Variants in DENND1A observed in about 807,000 individuals in gnomAD.
DENND1A encodes the protein DENN domain-containing protein 1A.
Under a neutral mutation model 113.7 loss-of-function variants are expected in DENND1A, and 51 were observed. That is an observed-to-expected ratio of 0.45 (90% CI 0.36 to 0.57). DENND1A has a LOEUF of 0.57. Among genes scored for constraint, DENND1A ranks in the 20% least tolerant of loss-of-function variants. The probability of loss-of-function intolerance (pLI) is 0.00; values close to 1 mark genes in which losing one functional copy is unlikely to be tolerated. For missense variants in DENND1A, 1,258 were observed against 1,395.9 expected (o/e 0.90, Z 1.57); for synonymous variants, 565 against 570.8 (o/e 0.99, Z 0.14).
intron 13 of DENND1A, among the ~76,000 whole-genome samples, chr9:123,548,500 T>C (rs2056849247): frequency 1.3e-5 from 2 of 152,228 alleles, no homozygotes; most frequent in African/African-American, 2.4e-5. Flanking sequence ...GTGAAAAACA[T>C]TTTGGAGGTT....
At chr9:123,681,502 C>T (rs1589647415) in intron 5 of DENND1A, among the ~76,000 whole-genome samples, 1 of 151,980 alleles carries the variant, frequency 6.6e-6, no homozygotes, top group East Asian at 1.9e-4. Context: ...AGCAGAGGGC[C>T]ACTGGTTACA....
intron 2 of DENND1A, among the ~76,000 whole-genome samples, chr9:123,816,979 T>C (rs536742134): frequency 1.3e-5 from 2 of 152,198 alleles, no homozygotes; most frequent in Non-Finnish European, 2.9e-5. Context: ...TAGTCTCTTA[T>C]CTGCAGTCCC....
At chr9:123,823,597 G>A (rs1194637183) in intron 2 of DENND1A, among the ~76,000 whole-genome samples, 3 of 152,166 alleles carry the variant, frequency 2.0e-5, no homozygotes, top group South Asian at 2.1e-4. Context: ...AAAAGGTAGC[G>A]AAAAGATCCC....
intron 5 of DENND1A, among the ~76,000 whole-genome samples, chr9:123,723,099 T>C (rs977465891): frequency 6.6e-6 from 1 of 152,238 alleles, no homozygotes; most frequent in African/African-American, 2.4e-5. Context: ...TGCATCAGCA[T>C]GACCTGGATG....
At chr9:123,611,235 T>A (rs2060405528) in intron 10 of DENND1A, among the ~76,000 whole-genome samples, 1 of 152,244 alleles carries the variant, frequency 6.6e-6, no homozygotes. Context: ...TCTTTGCTTC[T>A]AGGGGCAAGG....
intron 13 of DENND1A, among the ~76,000 whole-genome samples, chr9:123,551,055 G>A (rs2057014978): frequency 6.6e-6 from 1 of 152,204 alleles, no homozygotes; most frequent in Non-Finnish European, 1.5e-5. Context: ...ATGGATAAAG[G>A]GGGTTTCTCT....
chr9:123,403,171 G>A (rs952654200), intron 21 of DENND1A, among the ~76,000 whole-genome samples: 1 of 152,178 alleles, frequency 6.6e-6, no homozygotes, highest in Non-Finnish European at 1.5e-5. Flanking sequence ...CCCACCCCTC[G>A]AAATCCAGCC....
chr9:123,904,850 C>A (rs1852449978), intron 1 of DENND1A, among the ~76,000 whole-genome samples: 1 of 152,042 alleles, frequency 6.6e-6, no homozygotes, highest in African/African-American at 2.4e-5. Context: ...TCAGGAAATA[C>A]AGAGAACGCC....
At chr9:123,879,598 C>T (rs1167429390) in intron 1 of DENND1A, among the ~76,000 whole-genome samples, 1 of 150,816 alleles carries the variant, frequency 6.6e-6, no homozygotes, top group East Asian at 1.9e-4. Flanking sequence ...TGATGTCTGG[C>T]ACATAATAGG....
At chr9:123,918,147 A>C (rs1432157232) in intron 1 of DENND1A, among the ~76,000 whole-genome samples, 1 of 151,306 alleles carries the variant, frequency 6.6e-6, no homozygotes, top group Non-Finnish European at 1.5e-5. Context: ...ATAAAAGAAA[A>C]GAAACTACTG....
At chr9:123,605,540 G>C (rs186798434) in intron 11 of DENND1A, among the ~76,000 whole-genome samples, 347 of 152,290 alleles carry the variant, frequency 2.3e-3, no homozygotes, top group Non-Finnish European at 4.5e-3. Flanking sequence ...AATACCCTTG[G>C]CTATTCTGCT....
At chr9:123,508,199 A>C (rs2053137951) in intron 13 of DENND1A, among the ~76,000 whole-genome samples, 1 of 152,238 alleles carries the variant, frequency 6.6e-6, no homozygotes, top group Non-Finnish European at 1.5e-5. Flanking sequence ...AAAAGTAGCA[A>C]AAGTTTTGGC....
At chr9:123,768,288 C>T (rs1829158390) in intron 4 of DENND1A, among the ~76,000 whole-genome samples, 1 of 152,174 alleles carries the variant, frequency 6.6e-6, no homozygotes, top group African/African-American at 2.4e-5. Flanking sequence ...TGGCTGGCAA[C>T]ATTCCAGAGT....
chr9:123,719,636 T>A (rs1423805808), intron 5 of DENND1A, among the ~76,000 whole-genome samples: 1 of 126,702 alleles, frequency 7.9e-6, no homozygotes, highest in Non-Finnish European at 1.8e-5. Flanking sequence ...GTTTTCAGAT[T>A]TTTTTTTTTT....
intron 13 of DENND1A, among the ~76,000 whole-genome samples, chr9:123,472,552 C>T (rs892091439): frequency 2.6e-5 from 4 of 152,126 alleles, no homozygotes; most frequent in Non-Finnish European, 4.4e-5. Context: ...CGGTACACCC[C>T]GCCCAGCCCT....
intron 2 of DENND1A, among the ~76,000 whole-genome samples, chr9:123,819,975 T>A (rs1370445040): frequency 2.0e-5 from 3 of 152,156 alleles, no homozygotes; most frequent in African/African-American, 7.2e-5. Flanking sequence ...TAAATGACAC[T>A]ATTTGGAGAT....
intron 5 of DENND1A, among the ~76,000 whole-genome samples, chr9:123,733,836 T>G (rs1043839390): frequency 1.3e-5 from 2 of 151,932 alleles, no homozygotes; most frequent in African/African-American, 4.8e-5. Flanking sequence ...CAGCTAATTT[T>G]TTGTACTTTT....
Position 123,454,769 on chromosome 9 carries a change from T to C in DENND1A, c.1197A>G (p.Lys399=). ...CAGTGGAGAGCCACTGATGGTACAG[T>C]TTGTCACTGCCTGGGGAAAGAGAAT... is the stretch of plus-strand genomic sequence containing the variant. ...INMGEYAGSD[K]LYHQWLSTVR... The change falls in exon 16 of 24, where the codon AAA becomes AAG. Residue 399 remains lysine, a synonymous_variant. Transcript: ENST00000394215. The C allele has an allele frequency of 6.4e-7, 1 of 1,555,098 alleles. No individual in the cohort carries two copies. Among genetic ancestry groups the C allele is most frequent in the South Asian group, 1.2e-5 (1 of 84,246 alleles).
At chr9:123,823,217 TA>T (rs1838775064) in intron 2 of DENND1A, among the ~76,000 whole-genome samples, 1 of 152,282 alleles carries the variant, frequency 6.6e-6, no homozygotes, top group Non-Finnish European at 1.5e-5. Flanking sequence ...GCATGCTTTA[TA>T]AAAATACTTA....
Sources: allele counts gnomAD v4.1 joint callset (sites outside exome capture counted in the v4.1 genomes callset), GRCh38; gene constraint gnomAD v4.1.1; transcripts MANE v1.5; gene names NCBI Gene and HGNC (gene_info 2026-07-23, HGNC 2026-07-21).